TNRC6C: variants seen among roughly 807,000 people sequenced by gnomAD.
The protein encoded by TNRC6C is trinucleotide repeat-containing gene 6C protein.
TNRC6C carries 20 observed loss-of-function variants against 153.7 expected under a neutral mutation model. The ratio of observed to expected loss-of-function variants is 0.13; its 90% CI spans 0.09 to 0.19. The LOEUF is 0.19. TNRC6C is among the 10% of genes least tolerant of loss of function. TNRC6C has a pLI of 1.00. For missense variants in TNRC6C, 1,987 were observed against 2,172.0 expected (o/e 0.91, Z 1.69); for synonymous variants, 811 against 841.4 (o/e 0.96, Z 0.63).
intron 1 of TNRC6C, among the ~76,000 whole-genome samples, chr17:77,962,310 T>G (rs2070868209): frequency 2.6e-5 from 4 of 152,180 alleles, no homozygotes; most frequent in South Asian, 4.1e-4. Flanking sequence ...ATTGGAGCAT[T>G]CGATTGCATG....
intron 2 of TNRC6C, among the ~76,000 whole-genome samples, chr17:78,038,003 G>A (rs930777512): frequency 5.3e-5 from 8 of 152,134 alleles, no homozygotes; most frequent in East Asian, 3.9e-4. Flanking sequence ...ATGTATACAC[G>A]GAGAGTTGCA....
intron 1 of TNRC6C, among the ~76,000 whole-genome samples, chr17:77,982,708 A>G (rs1204609387): frequency 6.6e-6 from 1 of 152,094 alleles, no homozygotes; most frequent in Non-Finnish European, 1.5e-5. Context: ...GCCCATGCCC[A>G]TAGTCCCAGC....
At chr17:78,009,704 A>G (rs1192608867) in intron 1 of TNRC6C, among the ~76,000 whole-genome samples, 3 of 151,806 alleles carry the variant, frequency 2.0e-5, no homozygotes, top group Non-Finnish European at 4.4e-5. Context: ...ACAGGTGCGC[A>G]CCACCATGCC....
At chr17:77,987,841 G>A (rs1187822905) in intron 1 of TNRC6C, among the ~76,000 whole-genome samples, 1 of 151,992 alleles carries the variant, frequency 6.6e-6, no homozygotes, top group Non-Finnish European at 1.5e-5. Context: ...CACCATGCCT[G>A]GCTAATTTTT....
chr17:77,959,198 C>T (rs561625644), upstream of TNRC6C: 1,335 of 146,938 alleles, frequency 9.1e-3, 18 homozygotes, highest in South Asian at 0.046. Flanking sequence ...GTTGTTCGTG[C>T]CGCCGCCGCC....
chr17:77,998,146 G>A (rs1251121172), intron 1 of TNRC6C, among the ~76,000 whole-genome samples: 1 of 151,964 alleles, frequency 6.6e-6, no homozygotes, highest in Non-Finnish European at 1.5e-5. Context: ...CAACTCCCTT[G>A]CACTGCCCCT....
chr17:78,101,672 A>G (rs1444175661), intron 17 of TNRC6C, among the ~76,000 whole-genome samples: 2 of 152,180 alleles, frequency 1.3e-5, no homozygotes, highest in Non-Finnish European at 2.9e-5. Context: ...TTCCGTAGAT[A>G]CTAGATTAAC....
chr17:78,048,619 G>A (rs1004551385), intron 2 of TNRC6C, among the ~76,000 whole-genome samples: 1 of 152,208 alleles, frequency 6.6e-6, no homozygotes, highest in African/African-American at 2.4e-5. Flanking sequence ...GGGAATAATA[G>A]TACAGTGTAG....
exon 3 of TNRC6C, chr17:78,050,258 G>T (rs372596080): frequency 1.3e-6 from 2 of 1,543,792 alleles, no homozygotes; most frequent in African/African-American, 2.8e-5. Context: ...AGTGAAGGAA[G>T]TAGTGATGGT....
chr17:78,103,086 C>T (rs902468624), intron 18 of TNRC6C, among the ~76,000 whole-genome samples: 3 of 152,232 alleles, frequency 2.0e-5, no homozygotes, highest in African/African-American at 7.2e-5. Flanking sequence ...AGTCTGTTGT[C>T]AGCAGCTGGA....
intron 1 of TNRC6C, among the ~76,000 whole-genome samples, chr17:77,992,859 A>G (rs536946910): frequency 6.6e-6 from 1 of 152,366 alleles, no homozygotes; most frequent in East Asian, 1.9e-4. Flanking sequence ...ATTGAATCAA[A>G]TAGTAAAATA....
chr17:78,043,698 C>T (rs1259042671), intron 2 of TNRC6C, among the ~76,000 whole-genome samples: 2 of 152,006 alleles, frequency 1.3e-5, no homozygotes, highest in African/African-American at 4.8e-5. Context: ...TTTTTGTACC[C>T]ATTAACCCTT....
At chr17:78,015,933 C>G (rs1449923367) in intron 1 of TNRC6C, among the ~76,000 whole-genome samples, 1 of 152,054 alleles carries the variant, frequency 6.6e-6, no homozygotes, top group Non-Finnish European at 1.5e-5. Context: ...AATAAAACTC[C>G]TTGCTAAAAA....
chr17:78,058,943 A>G (rs2072711687), intron 3 of TNRC6C, among the ~76,000 whole-genome samples: 1 of 152,250 alleles, frequency 6.6e-6, no homozygotes, highest in Non-Finnish European at 1.5e-5. Flanking sequence ...GTGTGCATTA[A>G]TCATGGAAGA....
chr17:77,974,954 A>G (rs766214021), intron 1 of TNRC6C, among the ~76,000 whole-genome samples: 2 of 152,222 alleles, frequency 1.3e-5, no homozygotes, highest in African/African-American at 4.8e-5. Context: ...GGAAAAAACA[A>G]TTTGCAAAAC....
At chr17:77,959,964 C>A (rs983260225) in intron 1 of TNRC6C, among the ~76,000 whole-genome samples, 1 of 152,140 alleles carries the variant, frequency 6.6e-6, no homozygotes, top group Non-Finnish European at 1.5e-5. Context: ...GGTTCCCTGC[C>A]TGTTAACCTG....
intron 3 of TNRC6C, among the ~76,000 whole-genome samples, chr17:78,061,446 T>C (rs1189021573): frequency 6.6e-6 from 1 of 152,184 alleles, no homozygotes; most frequent in African/African-American, 2.4e-5. Flanking sequence ...ACCTTTAGAG[T>C]GTCAGATGGT....
chr17:77,969,146 G>A (rs2070921506), intron 1 of TNRC6C, among the ~76,000 whole-genome samples: 2 of 152,130 alleles, frequency 1.3e-5, no homozygotes, highest in African/African-American at 2.4e-5. Flanking sequence ...GAACACTGAG[G>A]CACTCTGAAG....
chr17:78,023,438 T>C (rs970808315), intron 1 of TNRC6C, among the ~76,000 whole-genome samples: 1 of 152,264 alleles, frequency 6.6e-6, no homozygotes, highest in South Asian at 2.1e-4. Flanking sequence ...CCTCTTCTGC[T>C]GCTACTGCTT....
Sources: allele counts gnomAD v4.1 joint callset (sites outside exome capture counted in the v4.1 genomes callset), GRCh38; gene constraint gnomAD v4.1.1; transcripts MANE v1.5; gene names NCBI Gene and HGNC (gene_info 2026-07-23, HGNC 2026-07-21).